Variants in NIPSNAP2 observed in about 807,000 individuals in gnomAD.
The protein encoded by NIPSNAP2 is nipsnap homolog 2, also known as protein NipSnap homolog 2.
In NIPSNAP2, 42 loss-of-function variants were observed where a neutral mutation model predicts 48.4. The observed-to-expected ratio is 0.87, with a 90% confidence interval of 0.68 to 1.12. NIPSNAP2 has a LOEUF of 1.12. Ranked by LOEUF, NIPSNAP2 falls within the 50% of genes most tolerant of loss-of-function variation. The pLI is 0.00. For missense variants in NIPSNAP2, 314 were observed against 347.3 expected (o/e 0.90, Z 0.76); for synonymous variants, 158 against 126.6 (o/e 1.25, Z -1.67).
intron 4 of NIPSNAP2, chr7:55,981,920 C>CT: frequency 9.3e-6 from 3 of 323,390 alleles, no homozygotes; most frequent in Non-Finnish European, 1.7e-5. Context: ...GATTCTTCTG[C>CT]TTTAGCCTCC....
intron 1 of NIPSNAP2, 112 bp from the exon 2 acceptor site, chr7:55,978,014 T>C: frequency 8.3e-7 from 1 of 1,200,358 alleles, no homozygotes; most frequent in African/African-American, 1.5e-5. Flanking sequence ...CATTCTTTGG[T>C]AGCCCAGGTT....
intron 1 of NIPSNAP2, among the ~76,000 whole-genome samples, chr7:55,977,295 G>A (rs1787124324): frequency 6.6e-6 from 1 of 152,104 alleles, no homozygotes; most frequent in African/African-American, 2.4e-5. Flanking sequence ...AGAGGGTGAG[G>A]CAGGAGAATC....
intron 1 of NIPSNAP2, among the ~76,000 whole-genome samples, chr7:55,975,898 CACGGTGGCACACCATGT>C (rs1787097762): frequency 6.6e-6 from 1 of 152,084 alleles, no homozygotes; most frequent in Admixed American, 6.6e-5. Context: ...ATTAGCCGTG[CACGGTGGCACACCATGT>C]AGTCCCAGCT....
intron 7 of NIPSNAP2, among the ~76,000 whole-genome samples, chr7:55,986,620 C>CCATT (rs1406524517): frequency 6.6e-6 from 1 of 151,862 alleles, no homozygotes; most frequent in African/African-American, 2.4e-5. Flanking sequence ...CAAGATCACC[C>CCATT]CATTGCACTA....
Position 55,982,223 on chromosome 7 carries a change from G to T in NIPSNAP2, c.387G>T (p.Arg129Ser). ...AATGCATTTCAGTCCACCTCTGGAG[G>T]TATGAAGGAGGCTATCCAGCCCTCA... ...GEQDQAVHLW[R>S]YEGGYPALTE... Residue 129 changes from arginine to serine, a missense_variant, in exon 5 of 10, where the codon AGG (arginine) becomes AGT (serine). Physicochemically the swap from Arg to Ser is moderately radical, Grantham distance 110. Around this residue, in one of 2 missense-constraint regions of NIPSNAP2, gnomAD observed 198 missense variants for 185.5 expected, o/e 1.07. Coordinates refer to ENST00000322090, the MANE Select transcript of NIPSNAP2 (RefSeq NM_001483.3). 1 of 1,606,296 alleles carries T rather than the reference G, an allele frequency of 6.2e-7. No homozygotes were observed. The highest frequency in any genetic ancestry group is 2.2e-5 in the East Asian group (1 of 44,852).
chr7:55,977,398 A>T (rs567477700), intron 1 of NIPSNAP2, among the ~76,000 whole-genome samples: 26 of 151,862 alleles, frequency 1.7e-4, no homozygotes, highest in East Asian at 7.7e-4. Flanking sequence ...CTAAAAAAAA[A>T]TTTTTTTTTG....
chr7:55,969,001 C>G (rs756256838), intron 1 of NIPSNAP2, among the ~76,000 whole-genome samples: 1 of 150,942 alleles, frequency 6.6e-6, no homozygotes, highest in East Asian at 2.0e-4. Flanking sequence ...GAGCCGAGAT[C>G]GCGCCACTGC....
Position 55,995,072 on chromosome 7 carries a change from A to G in NIPSNAP2, c.712+84A>G, listed in dbSNP as rs2116377906. The G allele has an allele frequency of 3.5e-6, 4 of 1,154,830 alleles. No homozygotes were observed. The East Asian group carries it at 9.4e-5, about 27-fold the overall frequency. 71.5% of individuals were successfully genotyped at this position (1,154,830 alleles called of 1,614,324 possible). On this transcript the variant is annotated intron_variant, in intron 8 of 9. Transcript: ENST00000322090. ...TGGGAAGTAGAGCACATCTTGAGTC[A>G]GTAACCTTAACCACTACAGCAAATC...
chr7:55,971,565 C>T (rs908944172), intron 1 of NIPSNAP2, among the ~76,000 whole-genome samples: 5 of 152,150 alleles, frequency 3.3e-5, no homozygotes, highest in Admixed American at 6.5e-5. Flanking sequence ...TGGGCTCAAG[C>T]GATCCTCCTG....
chr7:55,985,093 A>G (rs1184271343), intron 7 of NIPSNAP2, among the ~76,000 whole-genome samples: 2 of 152,334 alleles, frequency 1.3e-5, no homozygotes, highest in South Asian at 2.1e-4. Context: ...AGCTTCAATA[A>G]TTAACACATG....
chr7:55,985,508 A>G (rs1330897945), intron 7 of NIPSNAP2, among the ~76,000 whole-genome samples: 21 of 151,990 alleles, frequency 1.4e-4, no homozygotes, highest in Admixed American at 1.4e-3. Context: ...AAGCCAAGGC[A>G]GGAGAATCAC....
At chr7:55,974,403 C>T (rs1430776584) in intron 1 of NIPSNAP2, among the ~76,000 whole-genome samples, 1 of 152,048 alleles carries the variant, frequency 6.6e-6, no homozygotes, top group African/African-American at 2.4e-5. Flanking sequence ...TCATGAAGTA[C>T]TGGGGAATTT....
chr7:55,995,460 C>T (rs1158243947), intron 8 of NIPSNAP2, among the ~76,000 whole-genome samples: 2 of 152,168 alleles, frequency 1.3e-5, no homozygotes, highest in Non-Finnish European at 2.9e-5. Flanking sequence ...TTGTTTGGCA[C>T]CATCTTTGGT....
At chr7:55,968,441 A>G (rs1461869716) in intron 1 of NIPSNAP2, among the ~76,000 whole-genome samples, 2 of 147,854 alleles carry the variant, frequency 1.4e-5, no homozygotes, top group South Asian at 2.1e-4. Context: ...GCCGGAGTGC[A>G]GTGGGGTGAT....
At chr7:55,983,981 A>ATATGTATATC in intron 6 of NIPSNAP2, 113 bp downstream of exon 6, 1 of 633,666 alleles carries the variant, frequency 1.6e-6, no homozygotes, top group Non-Finnish European at 2.4e-6. Context: ...GTCTAGCATT[A>ATATGTATATC]TATGTATATA....
At chr7:55,991,594 A>C (rs1029174470) in intron 7 of NIPSNAP2, among the ~76,000 whole-genome samples, 1 of 151,900 alleles carries the variant, frequency 6.6e-6, no homozygotes, top group African/African-American at 2.4e-5. Flanking sequence ...TAAAAATAAC[A>C]AAAATTAGCC....
intron 7 of NIPSNAP2, among the ~76,000 whole-genome samples, chr7:55,986,992 A>T (rs1562766864): frequency 2.7e-5 from 4 of 147,212 alleles, no homozygotes; most frequent in Admixed American, 1.4e-4. Context: ...ATAAAAAAAA[A>T]AAAAAAAAAA....
intron 6 of NIPSNAP2, among the ~76,000 whole-genome samples, chr7:55,984,248 T>C (rs1002429398): frequency 6.6e-6 from 1 of 152,128 alleles, no homozygotes; most frequent in Admixed American, 6.6e-5. Flanking sequence ...TATAACACTT[T>C]CTAGAAATTT....
chr7:55,990,010 C>G (rs1377896772), intron 7 of NIPSNAP2, among the ~76,000 whole-genome samples: 2 of 151,218 alleles, frequency 1.3e-5, no homozygotes, highest in Non-Finnish European at 2.9e-5. Context: ...CCCAGCTACT[C>G]AGGAGATGGA....
Sources: allele counts gnomAD v4.1 joint callset (sites outside exome capture counted in the v4.1 genomes callset), GRCh38; gene constraint gnomAD v4.1.1; regional missense constraint gnomAD v4.1.1; transcripts MANE v1.5; gene names NCBI Gene and HGNC (gene_info 2026-07-23, HGNC 2026-07-21).